The following MACROD2 variants were observed in gnomAD, a reference collection of about 807,000 sequenced individuals.
MACROD2 encodes ADP-ribose glycohydrolase MACROD2.
A neutral mutation model predicts 70.4 loss-of-function variants in MACROD2; 36 were observed. That is an observed-to-expected ratio of 0.51 (90% CI 0.39 to 0.68). MACROD2 has a LOEUF of 0.68. Ranked by LOEUF, MACROD2 falls within the 30% of genes least tolerant of loss-of-function variation. MACROD2 has a pLI of 0.00. For missense variants in MACROD2, 496 were observed against 538.4 expected, an observed-to-expected ratio of 0.92 and a Z score of 0.78; for synonymous variants, 172 against 178.8, an observed-to-expected ratio of 0.96 and a Z score of 0.30.
intron 3 of MACROD2, among the ~76,000 whole-genome samples, chr20:14,378,701 G>A (rs1159060642): frequency 6.6e-6 from 1 of 151,976 alleles, no homozygotes; most frequent in East Asian, 1.9e-4. Context: ...GAAGCATGAA[G>A]GAGTTTGTGG....
At chr20:14,700,436 T>C (rs763689582) in intron 5 of MACROD2, among the ~76,000 whole-genome samples, 1 of 152,066 alleles carries the variant, frequency 6.6e-6, no homozygotes. Flanking sequence ...GTTCCACTTA[T>C]GAAGCTGAAT....
chr20:15,844,818 A>G (rs1311561630), intron 8 of MACROD2, among the ~76,000 whole-genome samples: 1 of 152,192 alleles, frequency 6.6e-6, no homozygotes, highest in African/African-American at 2.4e-5. Flanking sequence ...ACTACAAGGC[A>G]GTACAAAAAT....
At chr20:15,177,689 A>G (rs2076472422) in intron 5 of MACROD2, among the ~76,000 whole-genome samples, 1 of 152,188 alleles carries the variant, frequency 6.6e-6, no homozygotes, top group Non-Finnish European at 1.5e-5. Context: ...CACCTGTACA[A>G]TTTACTTCCT....
At chr20:14,963,203 G>C (rs2074600366) in intron 5 of MACROD2, among the ~76,000 whole-genome samples, 1 of 152,116 alleles carries the variant, frequency 6.6e-6, no homozygotes, top group African/African-American at 2.4e-5. Context: ...TACCGTAGTA[G>C]TACAGCAGCA....
intron 5 of MACROD2, among the ~76,000 whole-genome samples, chr20:14,838,809 A>G: frequency 6.6e-6 from 1 of 152,120 alleles, no homozygotes; most frequent in Non-Finnish European, 1.5e-5. Flanking sequence ...GTCATATCAT[A>G]TAAAGGGATG....
intron 3 of MACROD2, among the ~76,000 whole-genome samples, chr20:14,175,856 G>C (rs975988796): frequency 6.6e-6 from 1 of 152,176 alleles, no homozygotes; most frequent in Non-Finnish European, 1.5e-5. Context: ...CATAAACTTT[G>C]AGACATTTAT....
intron 1 of MACROD2, chr20:13,996,501 T>G (rs1353648641): frequency 6.5e-6 from 1 of 152,848 alleles, no homozygotes; most frequent in Non-Finnish European, 1.5e-5. Flanking sequence ...TCCCCATTCA[T>G]GGGCTGAAGT....
At chr20:14,153,256 T>C (rs2148712520) in intron 3 of MACROD2, among the ~76,000 whole-genome samples, 1 of 152,270 alleles carries the variant, frequency 6.6e-6, no homozygotes, top group South Asian at 2.1e-4. Flanking sequence ...AACAATCTTT[T>C]CGAGTGAGAA....
chr20:15,377,264 A>G (rs2045576314), intron 6 of MACROD2, among the ~76,000 whole-genome samples: 2 of 152,222 alleles, frequency 1.3e-5, no homozygotes, highest in Non-Finnish European at 2.9e-5. Flanking sequence ...TCTATTAGAA[A>G]ACAGTTAGAT....
intron 3 of MACROD2, among the ~76,000 whole-genome samples, chr20:14,399,633 T>C (rs954427096): frequency 6.6e-6 from 1 of 152,162 alleles, no homozygotes; most frequent in Admixed American, 6.5e-5. Flanking sequence ...TTTTTCTCTG[T>C]TGTTTTTCCA....
At chr20:15,404,564 G>A (rs2045971551) in intron 6 of MACROD2, among the ~76,000 whole-genome samples, 2 of 152,196 alleles carry the variant, frequency 1.3e-5, no homozygotes, top group South Asian at 4.1e-4. Context: ...TTAAAAACCA[G>A]TCTCTGGCTG....
chr20:14,656,282 A>G (rs1437850715), intron 4 of MACROD2, among the ~76,000 whole-genome samples: 1 of 152,208 alleles, frequency 6.6e-6, no homozygotes, highest in African/African-American at 2.4e-5. Flanking sequence ...AGAGGAAGAA[A>G]CTGAGTACAG....
chr20:15,817,981 T>C (rs1266259156), intron 8 of MACROD2, among the ~76,000 whole-genome samples: 1 of 152,158 alleles, frequency 6.6e-6, no homozygotes, highest in Non-Finnish European at 1.5e-5. Context: ...CTCGAGGATT[T>C]TCATAGCAGG....
intron 8 of MACROD2, among the ~76,000 whole-genome samples, chr20:15,697,376 T>C (rs987367185): frequency 6.6e-6 from 1 of 152,214 alleles, no homozygotes; most frequent in Non-Finnish European, 1.5e-5. Context: ...AGGTTCCTTT[T>C]AGAGTTGAGT....
At chr20:14,238,190 C>G (rs1297633923) in intron 3 of MACROD2, among the ~76,000 whole-genome samples, 2 of 152,100 alleles carry the variant, frequency 1.3e-5, no homozygotes, top group African/African-American at 2.4e-5. Context: ...ATTTCAAAAG[C>G]TAATCCACCA....
chr20:15,499,943 A>G (rs77919071), intron 8 of MACROD2, 96 bp downstream of exon 8: 2 of 1,161,076 alleles, frequency 1.7e-6, no homozygotes, highest in African/African-American at 1.5e-5. Context: ...AATATCAACT[A>G]CACCTAGTCA....
Position 16,050,786 on chromosome 20 carries a change from G to T in MACROD2, c.*910G>T, listed in dbSNP as rs1443245829. 6.6e-6 allele frequency: 1 copy of T among 152,240 alleles called. No individual in the cohort carries two copies. The highest frequency in any genetic ancestry group is 1.5e-5 in the Non-Finnish European group (1 of 68,052). The allele number at this position is 152,240 out of a possible 1,614,324, so 9.4% of individuals were successfully genotyped here. A position where few individuals can be genotyped will look rare whatever the true frequency, so the allele number is the denominator to read the frequency against. The stretch of plus-strand genomic sequence containing the variant: ...AAAGCTCCTCCTGAAATTGCTGTGA[G>T]TTTTCCATAAAAGAATATCCTGTCT... On this transcript the variant is annotated 3_prime_UTR_variant, in exon 18 of 18. Coordinates refer to ENST00000684519, the MANE Select transcript of MACROD2 (RefSeq NM_001351661.2).
intron 7 of MACROD2, among the ~76,000 whole-genome samples, chr20:15,473,296 G>C (rs2046983192): frequency 6.6e-6 from 1 of 152,216 alleles, no homozygotes; most frequent in Non-Finnish European, 1.5e-5. Context: ...TCTAGGTAGA[G>C]TATGGGGTGC....
intron 5 of MACROD2, among the ~76,000 whole-genome samples, chr20:14,818,819 C>T (rs2072803899): frequency 2.5e-5 from 3 of 117,686 alleles, no homozygotes; most frequent in Admixed American, 1.7e-4. Context: ...TGTTTCTCTT[C>T]CTTAGGTTTT....
Sources: allele counts gnomAD v4.1 joint callset (sites outside exome capture counted in the v4.1 genomes callset), GRCh38; gene constraint gnomAD v4.1.1; transcripts MANE v1.5; gene names NCBI Gene and HGNC (gene_info 2026-07-23, HGNC 2026-07-21).